The following TRPM3 variants were observed in gnomAD, a reference collection of about 807,000 sequenced individuals.
TRPM3 encodes the protein transient receptor potential cation channel subfamily M member 3, also known as long transient receptor potential channel 3.
TRPM3 carries 77 observed loss-of-function variants against 181.2 expected under a neutral mutation model. That is an observed-to-expected ratio of 0.42 (90% CI 0.35 to 0.51). TRPM3 has a LOEUF of 0.51. TRPM3 is among the 20% of genes least tolerant of loss of function. The pLI, the probability that TRPM3 is intolerant of heterozygous loss-of-function variation, is 0.01. For missense variants in TRPM3, 1,759 were observed against 2,196.7 expected (o/e 0.80, Z 3.98); for synonymous variants, 745 against 796.4 (o/e 0.94, Z 1.09).
rs540066182 is a variant in TRPM3 at position 71,153,672 on chromosome 9, T to C, written c.184-289161A>G. On this transcript the variant is annotated intron_variant, in intron 1 of 24. Coordinates refer to the TRPM3 transcript ENST00000357533. ...GACTCTACTTTTATCTCAGGATAAT[T>C]TTGCAGCTGAGTCAAAGAGGGTCAG... is the stretch of plus-strand genomic sequence containing the variant. 2.0e-5 allele frequency among the ~76,000 whole-genome samples: 3 copies of C among 152,186 alleles called. No individual in the cohort carries two copies. The South Asian group carries it at 6.2e-4, about 32-fold the overall frequency.
intron 1 of TRPM3, among the ~76,000 whole-genome samples, chr9:71,286,345 G>A (rs1017196587): frequency 3.3e-5 from 5 of 152,176 alleles, no homozygotes; most frequent in African/African-American, 1.2e-4. Context: ...CTGTTGCAAG[G>A]AGCCAGAATC....
rs1480763863 is a variant in TRPM3, at chr9:70,536,980, C to T, written c.4133G>A (p.Arg1378Gln). ...TGCTACAGAGTGGGAACTAGTAGCC[C>T]GGTGTAGGCTCAGGGACCTTTCTTT... ...IFKERSLSLHRATSSHSVAKE... is the reference protein window; with the variant it reads ...IFKERSLSLHQATSSHSVAKE... The change falls in exon 26 of 26, where the codon CGG becomes CAG. Residue 1378 changes from arginine (R) to glutamine (Q), a missense_variant. Around this residue, in one of 8 missense-constraint regions of TRPM3, gnomAD observed 612 missense variants for 590.0 expected, o/e 1.04. Transcript: ENST00000677713. The T allele has an allele frequency of 8.7e-6, 14 of 1,612,566 alleles. No individual in the cohort carries two copies. Among genetic ancestry groups the T allele is most frequent in the Middle Eastern group, 1.7e-4 (1 of 6,058 alleles).
chr9:71,181,212 T>G (rs1018004266), intron 1 of TRPM3, among the ~76,000 whole-genome samples: 4 of 152,166 alleles, frequency 2.6e-5, no homozygotes, highest in African/African-American at 9.6e-5. Context: ...CTGTCCATGT[T>G]CACTTTTAAA....
At chr9:70,975,943 T>C (rs2097297756) in intron 1 of TRPM3, among the ~76,000 whole-genome samples, 1 of 152,158 alleles carries the variant, frequency 6.6e-6, no homozygotes, top group African/African-American at 2.4e-5. Context: ...ACCCAAAGCG[T>C]CAAGCATAGT....
At chr9:70,808,885 G>A (rs1057015697) in intron 6 of TRPM3, among the ~76,000 whole-genome samples, 4 of 152,200 alleles carry the variant, frequency 2.6e-5, no homozygotes, top group Non-Finnish European at 5.9e-5. Flanking sequence ...AAGGAAATAA[G>A]ATGTTCTTGA....
chr9:71,213,376 C>T (rs1386743899), intron 1 of TRPM3, among the ~76,000 whole-genome samples: 2 of 152,034 alleles, frequency 1.3e-5, no homozygotes, highest in Admixed American at 6.5e-5. Flanking sequence ...TGCCTACGGG[C>T]CTTAGTTAGC....
chr9:71,029,602 A>ATT (rs2057030183), intron 1 of TRPM3, among the ~76,000 whole-genome samples: 3 of 152,246 alleles, frequency 2.0e-5, no homozygotes, highest in African/African-American at 7.2e-5. Context: ...ATGTATAGAC[A>ATT]ATCTAAGCTT....
chr9:71,308,740 A>G (rs1458319985), intron 1 of TRPM3, among the ~76,000 whole-genome samples: 1 of 148,744 alleles, frequency 6.7e-6, no homozygotes, highest in Non-Finnish European at 1.5e-5. Context: ...AGAAAACCAA[A>G]GTAAGCTTGC....
chr9:71,376,434 T>C (rs1316598272), intron 1 of TRPM3, among the ~76,000 whole-genome samples: 1 of 152,102 alleles, frequency 6.6e-6, no homozygotes, highest in East Asian at 1.9e-4. Flanking sequence ...TAAATGGATA[T>C]ATAACTCCTC....
chr9:70,567,951 AAG>A (rs1014861684), intron 22 of TRPM3, among the ~76,000 whole-genome samples: 4 of 151,348 alleles, frequency 2.6e-5, no homozygotes, highest in Non-Finnish European at 4.4e-5. Flanking sequence ...GGAGAGAGAG[AAG>A]AGAGAGATGA....
chr9:71,118,713 T>C (rs942161033), intron 1 of TRPM3, among the ~76,000 whole-genome samples: 48 of 152,130 alleles, frequency 3.2e-4, no homozygotes, highest in Non-Finnish European at 1.0e-4. Context: ...TTGGCTTTGT[T>C]ACCTTAAGAT....
chr9:70,597,538 G>T lies in TRPM3; in HGVS notation c.3048+881C>A, dbSNP rs376867300. On this transcript the variant is annotated intron_variant, in intron 21 of 25. Coordinates refer to ENST00000677713, the MANE Select transcript of TRPM3 (RefSeq NM_001366145.2). ...CAGGCTCTGATTCTTCCTCTAGTGA[G>T]TTTTGAGAGGGAGCTTGTTTACTGA... Among the ~76,000 whole-genome samples, 96 of 152,278 alleles carry T rather than the reference G, an allele frequency of 6.3e-4. 2 individuals carry two copies. In the South Asian group the frequency reaches 0.018, roughly 29 times the overall value.
At chr9:70,973,684 T>C (rs2097268544) in intron 1 of TRPM3, among the ~76,000 whole-genome samples, 1 of 152,190 alleles carries the variant, frequency 6.6e-6, no homozygotes, top group Admixed American at 6.5e-5. Flanking sequence ...CTACAAATCA[T>C]CATCTTCATT....
chr9:71,328,466 G>A (rs985056286), intron 1 of TRPM3, among the ~76,000 whole-genome samples: 7 of 152,096 alleles, frequency 4.6e-5, no homozygotes, highest in Admixed American at 6.5e-5. Flanking sequence ...GCACCCGGCC[G>A]ACTTCTCTTT....
intron 1 of TRPM3, among the ~76,000 whole-genome samples, chr9:71,276,060 C>T (rs925913664): frequency 6.6e-6 from 1 of 152,106 alleles, no homozygotes; most frequent in Non-Finnish European, 1.5e-5. Flanking sequence ...CCAGGATGGT[C>T]TTGATCTCCT....
chr9:71,402,631 T>TA (rs1291845521), intron 1 of TRPM3, among the ~76,000 whole-genome samples: 1 of 152,122 alleles, frequency 6.6e-6, no homozygotes, highest in Non-Finnish European at 1.5e-5. Flanking sequence ...TTCTAAGAAA[T>TA]AAAAAAACTG....
intron 1 of TRPM3, among the ~76,000 whole-genome samples, chr9:70,989,141 T>C (rs2097451459): frequency 6.6e-6 from 1 of 152,304 alleles, no homozygotes; most frequent in African/African-American, 2.4e-5. Context: ...ATAGGACACA[T>C]ACACTATATA....
At chr9:71,420,136 G>A (rs1385623650) in intron 1 of TRPM3, among the ~76,000 whole-genome samples, 1 of 151,872 alleles carries the variant, frequency 6.6e-6, no homozygotes, top group African/African-American at 2.4e-5. Context: ...TTTGTGTCCT[G>A]TTATTCTTCA....
At chr9:70,937,991 C>T (rs2096846008) in intron 1 of TRPM3, among the ~76,000 whole-genome samples, 1 of 152,148 alleles carries the variant, frequency 6.6e-6, no homozygotes, top group African/African-American at 2.4e-5. Flanking sequence ...CCGTGGTCTC[C>T]TATTACAGTT....
Sources: allele counts gnomAD v4.1 joint callset (sites outside exome capture counted in the v4.1 genomes callset), GRCh38; gene constraint gnomAD v4.1.1; regional missense constraint gnomAD v4.1.1; transcripts MANE v1.5; gene names NCBI Gene and HGNC (gene_info 2026-07-23, HGNC 2026-07-21).